The following SEPTIN7 variants were observed in gnomAD, a reference collection of about 807,000 sequenced individuals.
SEPTIN7 encodes the protein septin 7.
Under a neutral mutation model 63.3 loss-of-function variants are expected in SEPTIN7, and 10 were observed. The observed-to-expected ratio is 0.16, with a 90% CI of 0.10 to 0.27. The LOEUF is 0.27. Among genes scored for constraint, SEPTIN7 ranks in the 10% least tolerant of loss-of-function variants. The pLI, the probability that SEPTIN7 is intolerant of heterozygous loss-of-function variation, is 1.00. For synonymous variants in SEPTIN7, 131 were observed against 165.3 expected (o/e 0.79, Z 1.59); for missense variants, 310 against 521.0 (o/e 0.59, Z 3.94).
the SEPTIN7 span, among the ~76,000 whole-genome samples, chr7:35,914,853 T>C: frequency 6.6e-6 from 1 of 152,092 alleles, no homozygotes; most frequent in South Asian, 2.1e-4. Context: ...TATACATAAA[T>C]ATATGTATAC....
the SEPTIN7 span, among the ~76,000 whole-genome samples, chr7:35,912,871 CCAA>C: frequency 6.6e-6 from 1 of 152,228 alleles, no homozygotes; most frequent in Non-Finnish European, 1.5e-5. Context: ...TTGCTACACG[CCAA>C]ACACTGAGAA....
intron 12 of SEPTIN7, chr7:35,900,640 C>G (rs532523871): frequency 1.3e-5 from 2 of 152,210 alleles, no homozygotes; most frequent in African/African-American, 4.8e-5. Context: ...CACTTAGATT[C>G]CATTGAGAAT....
At chr7:35,837,270 T>G (rs1375571752) in intron 3 of SEPTIN7, among the ~76,000 whole-genome samples, 1 of 152,182 alleles carries the variant, frequency 6.6e-6, no homozygotes, top group African/African-American at 2.4e-5. Context: ...CTTATGTGTA[T>G]CTGTAATGTT....
At chr7:35,862,029 T>C (rs558210414) in intron 3 of SEPTIN7, among the ~76,000 whole-genome samples, 11 of 152,332 alleles carry the variant, frequency 7.2e-5, no homozygotes, top group African/African-American at 2.4e-4. Flanking sequence ...TGTGAGGGAA[T>C]GAGGCTTTGA....
chr7:35,891,438 T>C (rs1159844275), intron 11 of SEPTIN7, among the ~76,000 whole-genome samples: 1 of 152,196 alleles, frequency 6.6e-6, no homozygotes, highest in African/African-American at 2.4e-5. Flanking sequence ...AGCTATTCCT[T>C]GCAGGCTATA....
intron 3 of SEPTIN7, among the ~76,000 whole-genome samples, chr7:35,841,308 C>T (rs545059615): frequency 6.6e-6 from 1 of 152,196 alleles, no homozygotes; most frequent in South Asian, 2.1e-4. Flanking sequence ...GATAATATCC[C>T]AGTTTCATTT....
rs1414659052 is a variant in SEPTIN7 at position 35,838,235 on chromosome 7, A to AACTTACTTACTT, written c.169+5339_169+5340insACTTACTTACTT. 1.6e-4 allele frequency among the ~76,000 whole-genome samples: 12 copies of AACTTACTTACTT among 75,964 alleles called. 1 individual carries two copies. The highest frequency in any genetic ancestry group is 3.1e-4 in the Non-Finnish European group (11 of 36,024). The allele number at this position is 75,964 out of a possible 152,430, so 49.8% of individuals were successfully genotyped here. A position where few individuals can be genotyped will look rare whatever the true frequency, so the allele number is the denominator to read the frequency against. ...ATTAGCTTGATTTTTATATTATCCA[A>AACTTACTTACTT]ACTTCCTTCCTTCCTTCCTTCCTTC... On this transcript the variant is annotated intron_variant, in intron 3 of 13. Coordinates refer to ENST00000350320, the MANE Select transcript of SEPTIN7 (RefSeq NM_001788.6).
chr7:35,907,622 A>G (rs1788655167), downstream of SEPTIN7, among the ~76,000 whole-genome samples: 1 of 152,144 alleles, frequency 6.6e-6, no homozygotes, highest in Non-Finnish European at 1.5e-5. Flanking sequence ...CTGTGCTTAA[A>G]TATTACGCCT....
chr7:35,865,302 C>T (rs761729005), intron 4 of SEPTIN7, among the ~76,000 whole-genome samples: 36 of 152,154 alleles, frequency 2.4e-4, no homozygotes, highest in Non-Finnish European at 4.0e-4. Flanking sequence ...TCTGTGTGCT[C>T]ACTGTCATTC....
At chr7:35,911,065 G>A (rs1162760980), downstream of SEPTIN7, among the ~76,000 whole-genome samples, 3 of 152,146 alleles carry the variant, frequency 2.0e-5, no homozygotes, top group African/African-American at 7.2e-5. Flanking sequence ...GACTGATGCT[G>A]AGGAGGACCC....
chr7:35,864,323 T>C (rs531176252), intron 4 of SEPTIN7, among the ~76,000 whole-genome samples: 1 of 152,238 alleles, frequency 6.6e-6, no homozygotes, highest in South Asian at 2.1e-4. Flanking sequence ...AGGTCTGAGA[T>C]GGGCTGCAAT....
chr7:35,831,057 TTTC>T (rs1783810255), intron 1 of SEPTIN7, among the ~76,000 whole-genome samples: 1 of 152,216 alleles, frequency 6.6e-6, no homozygotes, highest in African/African-American at 2.4e-5. Context: ...TTACATTTTT[TTTC>T]TTCTTGTAAT....
At chr7:35,811,244 T>C (rs1788689975) in intron 1 of SEPTIN7, among the ~76,000 whole-genome samples, 1 of 152,144 alleles carries the variant, frequency 6.6e-6, no homozygotes, top group South Asian at 2.1e-4. Context: ...TACCACCTTA[T>C]TTATTACATG....
In SEPTIN7 at chr7:35,904,426, A is replaced by AT. The variant is rs879474958; in HGVS notation, c.*144dup. ...TGGATTTAACAGCATGACAAAAATT[A>AT]TTTTTTTTTTTGTTCTTGATGGAGA... is the stretch of plus-strand genomic sequence containing the variant. On this transcript the variant is annotated 3_prime_UTR_variant, in exon 14 of 14. Coordinates refer to ENST00000350320, the MANE Select transcript of SEPTIN7 (RefSeq NM_001788.6). 0.02 allele frequency: 9,964 copies of AT among 493,834 alleles called. No homozygotes were observed. Among genetic ancestry groups the AT allele is most frequent in the Middle Eastern group, 0.028 (46 of 1,642 alleles). The allele number at this position is 493,834 out of a possible 1,614,324, so 30.6% of individuals were successfully genotyped here.
Position 35,862,313 on chromosome 7 carries a change from A to T in SEPTIN7, c.170-1239A>T, listed in dbSNP as rs1188508818. ...AATAAAAAGGGGTAAAAAACTAAAA[A>T]AAACCTCTAAACACAATTTATTGAG... On this transcript the variant is annotated intron_variant, in intron 3 of 13. Coordinates refer to ENST00000350320, the MANE Select transcript of SEPTIN7 (RefSeq NM_001788.6). 6.6e-5 allele frequency among the ~76,000 whole-genome samples: 10 copies of T among 152,174 alleles called. No homozygotes were observed. The South Asian group carries it at 1.0e-3, about 16-fold the overall frequency.
intron 3 of SEPTIN7, among the ~76,000 whole-genome samples, chr7:35,856,136 C>A (rs1333523174): frequency 2.0e-5 from 3 of 152,186 alleles, no homozygotes; most frequent in African/African-American, 7.2e-5. Flanking sequence ...ATTTAGTCCT[C>A]ATAGTTCATA....
At chr7:35,855,543 GA>G (rs1355405177) in intron 3 of SEPTIN7, among the ~76,000 whole-genome samples, 1 of 152,130 alleles carries the variant, frequency 6.6e-6, no homozygotes, top group African/African-American at 2.4e-5. Context: ...TTTTAAGCAT[GA>G]GTTTTTCTCC....
At chr7:35,810,851 C>T (rs909870786) in intron 1 of SEPTIN7, among the ~76,000 whole-genome samples, 2 of 151,694 alleles carry the variant, frequency 1.3e-5, no homozygotes, top group Non-Finnish European at 2.9e-5. Context: ...ACTGCAACCT[C>T]CACCTCCCTG....
chr7:35,826,777 A>G (rs1205347818), intron 1 of SEPTIN7, among the ~76,000 whole-genome samples: 3 of 152,082 alleles, frequency 2.0e-5, no homozygotes, highest in Admixed American at 6.5e-5. Context: ...GCTTTTTCCT[A>G]TTGGAAAATT....
Sources: allele counts gnomAD v4.1 joint callset (sites outside exome capture counted in the v4.1 genomes callset), GRCh38; gene constraint gnomAD v4.1.1; transcripts MANE v1.5; gene names NCBI Gene and HGNC (gene_info 2026-07-23, HGNC 2026-07-21).